Variants in CYFIP2 observed in about 807,000 individuals in gnomAD.
The protein encoded by CYFIP2 is cytoplasmic FMR1 interacting protein 2.
CYFIP2 carries 29 observed loss-of-function variants against 158.7 expected under a neutral mutation model. That is an observed-to-expected ratio of 0.18 (90% CI 0.14 to 0.25). The LOEUF is 0.25. Among genes scored for constraint, CYFIP2 ranks in the 10% least tolerant of loss-of-function variants. The pLI is 1.00. For synonymous variants in CYFIP2, 585 were observed against 617.6 expected (o/e 0.95, Z 0.78); for missense variants, 852 against 1,639.5 (o/e 0.52, Z 8.29).
At chr5:157,288,742 G>C (rs1757595459) in intron 3 of CYFIP2, 1 of 416,110 alleles carries the variant, frequency 2.4e-6, no homozygotes, top group Admixed American at 2.6e-5. Flanking sequence ...GGGTCCTGCA[G>C]CTGACAAGTG....
intron 1 of CYFIP2, among the ~76,000 whole-genome samples, chr5:157,283,416 G>A (rs2113837923): frequency 6.6e-6 from 1 of 152,268 alleles, no homozygotes; most frequent in East Asian, 1.9e-4. Context: ...CCTAGTAGTA[G>A]TGTAAGAAGG....
chr5:157,386,064 G>C (rs1338084145), intron 28 of CYFIP2, among the ~76,000 whole-genome samples: 1 of 152,044 alleles, frequency 6.6e-6, no homozygotes, highest in Non-Finnish European at 1.5e-5. Flanking sequence ...GACAAGATGT[G>C]AAAGAAAACT....
At chr5:157,302,353 G>A (rs1370407321) in intron 6 of CYFIP2, among the ~76,000 whole-genome samples, 2 of 152,316 alleles carry the variant, frequency 1.3e-5, no homozygotes, top group East Asian at 3.9e-4. Flanking sequence ...CTTTGGAAAC[G>A]TTGAAGTTTT....
chr5:157,326,108 A>G (rs977447357), intron 17 of CYFIP2, 63 bp from the exon 18 acceptor site: 20 of 1,218,314 alleles, frequency 1.6e-5, no homozygotes, highest in Non-Finnish European at 2.4e-5. Context: ...CCAAGCAAGT[A>G]TAAAGCTGTC....
At chr5:157,391,271 G>C (rs1197847398) in intron 30 of CYFIP2, among the ~76,000 whole-genome samples, 3 of 152,168 alleles carry the variant, frequency 2.0e-5, no homozygotes, top group Admixed American at 6.5e-5. Flanking sequence ...AGAGAGGTAA[G>C]AGCCACCTCA....
At chr5:157,324,949 A>G (rs11745379) in intron 16 of CYFIP2, 53,370 of 151,780 alleles carry the variant, frequency 0.35, 11,030 homozygotes, top group African/African-American at 0.58. Flanking sequence ...GGGATTACAG[A>G]CATGCACCAC....
intron 1 of CYFIP2, among the ~76,000 whole-genome samples, chr5:157,272,769 CACAG>C (rs1190410846): frequency 6.6e-6 from 1 of 152,170 alleles, no homozygotes; most frequent in Non-Finnish European, 1.5e-5. Flanking sequence ...AAATGATGAT[CACAG>C]ACAGCCAAGT....
chr5:157,306,264 T>C (rs905380902), intron 8 of CYFIP2, among the ~76,000 whole-genome samples: 1 of 152,096 alleles, frequency 6.6e-6, no homozygotes, highest in Non-Finnish European at 1.5e-5. Flanking sequence ...TTGTTCACTC[T>C]GGCTTCGTCC....
intron 17 of CYFIP2, 94 bp from the exon 18 acceptor site, chr5:157,326,077 C>A: frequency 1.0e-6 from 1 of 963,248 alleles, no homozygotes. Context: ...CTTTTCCTGA[C>A]TGTGAACTTG....
At chr5:157,294,678 C>CTG in intron 3 of CYFIP2, 105 bp from the exon 4 acceptor site, 1 of 793,752 alleles carries the variant, frequency 1.3e-6, no homozygotes, top group East Asian at 2.6e-5. Flanking sequence ...GATGTCCATG[C>CTG]TGTGGGTCCA....
At chr5:157,286,552 GTATATA>G (rs34826918) in intron 2 of CYFIP2, among the ~76,000 whole-genome samples, 15,128 of 138,108 alleles carry the variant, frequency 0.11, 871 homozygotes, top group Middle Eastern at 0.16. Flanking sequence ...GCTATTTTAT[GTATATA>G]TATATATATA....
intron 4 of CYFIP2, among the ~76,000 whole-genome samples, chr5:157,296,096 G>A (rs1561700307): frequency 6.6e-6 from 1 of 152,208 alleles, no homozygotes; most frequent in East Asian, 1.9e-4. Context: ...AGTAACTCAT[G>A]GACAGGGCAC....
At chr5:157,381,041 C>A (rs1455402127) in intron 26 of CYFIP2, among the ~76,000 whole-genome samples, 2 of 152,126 alleles carry the variant, frequency 1.3e-5, no homozygotes, top group Admixed American at 1.3e-4. Flanking sequence ...ATGGCAAAAC[C>A]CCATCTCTAC....
intron 13 of CYFIP2, among the ~76,000 whole-genome samples, chr5:157,315,656 A>G (rs985877430): frequency 1.3e-5 from 2 of 152,246 alleles, no homozygotes; most frequent in African/African-American, 4.8e-5. Context: ...AAATAAGCCA[A>G]CTGTGCAGAG....
intron 3 of CYFIP2, among the ~76,000 whole-genome samples, chr5:157,290,297 G>T (rs952174102): frequency 6.6e-6 from 1 of 152,210 alleles, no homozygotes; most frequent in African/African-American, 2.4e-5. Flanking sequence ...CATTCCTTCT[G>T]CAGGCTCCAG....
intron 26 of CYFIP2, chr5:157,375,818 T>A (rs1356945043): frequency 6.6e-6 from 1 of 152,040 alleles, no homozygotes; most frequent in East Asian, 1.9e-4. Context: ...GAGTTCTTAG[T>A]GTTAAGTGAG....
intron 23 of CYFIP2, chr5:157,342,008 T>G (rs1388704093): frequency 6.6e-6 from 1 of 152,596 alleles, no homozygotes; most frequent in African/African-American, 2.4e-5. Flanking sequence ...AACCTTATGC[T>G]ATATCAAGGA....
At chr5:157,267,954 C>T (rs889867076) in intron 1 of CYFIP2, among the ~76,000 whole-genome samples, 7 of 152,218 alleles carry the variant, frequency 4.6e-5, no homozygotes, top group African/African-American at 1.7e-4. Flanking sequence ...CATGTGCATG[C>T]GTGCATGTTT....
intron 13 of CYFIP2, among the ~76,000 whole-genome samples, chr5:157,317,572 C>G (rs1462443773): frequency 6.6e-6 from 1 of 152,166 alleles, no homozygotes; most frequent in African/African-American, 2.4e-5. Context: ...GTTTCCTTCC[C>G]CCATCTTCCC....
Sources: allele counts gnomAD v4.1 joint callset (sites outside exome capture counted in the v4.1 genomes callset), GRCh38; gene constraint gnomAD v4.1.1; transcripts MANE v1.5; gene names NCBI Gene and HGNC (gene_info 2026-07-23, HGNC 2026-07-21).